Variants in MAF observed in about 807,000 individuals in gnomAD.
The protein encoded by MAF is transcription factor Maf.
In MAF, 10 loss-of-function variants were observed where a neutral mutation model predicts 22.0. The observed-to-expected ratio is 0.45, with a 90% CI of 0.28 to 0.77. The LOEUF is 0.77. MAF is among the 30% of genes least tolerant of loss of function. MAF has a pLI of 0.12. For missense variants in MAF, 544 were observed against 548.4 expected, an observed-to-expected ratio of 0.99 and a Z score of 0.08; for synonymous variants, 337 against 255.8, an observed-to-expected ratio of 1.32 and a Z score of -3.03.
the MAF span, among the ~76,000 whole-genome samples, chr16:79,491,884 C>T: frequency 6.6e-5 from 10 of 152,238 alleles, no homozygotes; most frequent in Non-Finnish European, 1.2e-4. Context: ...AGACCTACTC[C>T]GGCTGTGAGT....
At chr16:79,559,665 TG>T in the MAF span, among the ~76,000 whole-genome samples, 1 of 152,234 alleles carries the variant, frequency 6.6e-6, no homozygotes, top group Admixed American at 6.5e-5. Context: ...CATTACTATC[TG>T]TAATTAAGAT....
chr16:79,525,987 T>C, the MAF span, among the ~76,000 whole-genome samples: 1 of 152,178 alleles, frequency 6.6e-6, no homozygotes, highest in African/African-American at 2.4e-5. Flanking sequence ...CAGCCAACCT[T>C]CTGTATGACA....
At chr16:79,486,680 G>A in the MAF span, among the ~76,000 whole-genome samples, 16 of 152,194 alleles carry the variant, frequency 1.1e-4, no homozygotes, top group Admixed American at 9.8e-4. Context: ...TTGGCTTTAT[G>A]AGTCTCCGAG....
the MAF span, among the ~76,000 whole-genome samples, chr16:79,532,667 A>G: frequency 4.6e-5 from 7 of 152,380 alleles, no homozygotes; most frequent in South Asian, 1.2e-3. Flanking sequence ...GCATGAAGAT[A>G]TGAAATATGC....
the MAF span, among the ~76,000 whole-genome samples, chr16:79,339,941 A>G: frequency 2.6e-5 from 4 of 152,166 alleles, no homozygotes; most frequent in Non-Finnish European, 5.9e-5. Context: ...AAGTTCTTCA[A>G]TTTAAAAAGT....
the MAF span, among the ~76,000 whole-genome samples, chr16:79,437,895 G>A: frequency 6.6e-6 from 1 of 152,058 alleles, no homozygotes; most frequent in Non-Finnish European, 1.5e-5. Flanking sequence ...CCTAGAGTGG[G>A]ACACAGGCCA....
the MAF span, among the ~76,000 whole-genome samples, chr16:79,316,072 C>T: frequency 6.6e-6 from 1 of 152,236 alleles, no homozygotes; most frequent in African/African-American, 2.4e-5. Context: ...CACCAACATG[C>T]ATAACCTTAT....
Position 79,599,372 on chromosome 16 carries a change from C to G in MAF, c.531G>C (p.Ala177=), listed in dbSNP as rs1913841410. The G allele has an allele frequency of 1.0e-6, 1 of 1,000,666 alleles. No homozygotes were observed. The highest frequency in any genetic ancestry group is 1.2e-6 in the Non-Finnish European group (1 of 841,990). 62.0% of individuals were successfully genotyped at this position (1,000,666 alleles called of 1,614,324 possible). The part of the protein sequence containing the change: ...VIAAAAAQSG[A]GPHYHHHHHH... ...GGTGGTGGTGGTGGTAGTGCGGGCC[C>G]GCGCCGCTCTGCGCGGCGGCCGCGG... The change falls in exon 1 of 2, where the codon GCG becomes GCC. Residue 177 remains alanine, a synonymous_variant. Transcript: ENST00000326043.
chr16:79,431,906 TGC>T, the MAF span, among the ~76,000 whole-genome samples: 1 of 152,158 alleles, frequency 6.6e-6, no homozygotes, highest in African/African-American at 2.4e-5. Context: ...TTCCCTCATA[TGC>T]CTATGCTGAA....
At chr16:79,428,647 C>G in the MAF span, among the ~76,000 whole-genome samples, 1 of 152,140 alleles carries the variant, frequency 6.6e-6, no homozygotes, top group East Asian at 1.9e-4. Flanking sequence ...TGAGACCAGC[C>G]TGAGCAACTT....
At chr16:79,513,669 A>G in the MAF span, among the ~76,000 whole-genome samples, 1 of 152,214 alleles carries the variant, frequency 6.6e-6, no homozygotes, top group Non-Finnish European at 1.5e-5. Context: ...CCTAATCCAT[A>G]AAATGGAAAC....
the MAF span, among the ~76,000 whole-genome samples, chr16:79,287,759 A>C: frequency 2.1e-4 from 32 of 152,248 alleles, no homozygotes; most frequent in East Asian, 6.2e-3. Context: ...TCATTCACTC[A>C]TTCATTTATT....
chr16:79,359,043 T>C, the MAF span, among the ~76,000 whole-genome samples: 2 of 152,174 alleles, frequency 1.3e-5, no homozygotes, highest in Non-Finnish European at 2.9e-5. Context: ...TAAGGCAGAA[T>C]CTAGACAACA....
the MAF span, among the ~76,000 whole-genome samples, chr16:79,229,995 C>T: frequency 1.3e-5 from 2 of 148,184 alleles, no homozygotes; most frequent in Admixed American, 1.3e-4. Flanking sequence ...AGGATAGTTG[C>T]TTACAGAAAA....
the MAF span, among the ~76,000 whole-genome samples, chr16:79,280,776 C>T: frequency 6.6e-6 from 1 of 152,208 alleles, no homozygotes; most frequent in Non-Finnish European, 1.5e-5. Flanking sequence ...CCTGTCACTA[C>T]ACTGCTCACC....
At chr16:79,287,144 C>A in the MAF span, among the ~76,000 whole-genome samples, 2 of 142,682 alleles carry the variant, frequency 1.4e-5, no homozygotes, top group South Asian at 4.4e-4. Flanking sequence ...TTTCCTTCAG[C>A]AACAACAGAA....
chr16:79,417,551 A>T, the MAF span, among the ~76,000 whole-genome samples: 1 of 152,038 alleles, frequency 6.6e-6, no homozygotes, highest in Non-Finnish European at 1.5e-5. Flanking sequence ...CCTGCACAGG[A>T]TCATGGGAAA....
chr16:79,472,541 C>T, the MAF span, among the ~76,000 whole-genome samples: 1 of 151,994 alleles, frequency 6.6e-6, no homozygotes, highest in Non-Finnish European at 1.5e-5. Context: ...TGTATGATTC[C>T]ATCTCTTTAA....
At chr16:79,521,838 A>G in the MAF span, among the ~76,000 whole-genome samples, 1 of 152,224 alleles carries the variant, frequency 6.6e-6, no homozygotes, top group African/African-American at 2.4e-5. Flanking sequence ...CACTCTAATA[A>G]ATATATTTCT....
Sources: allele counts gnomAD v4.1 joint callset (sites outside exome capture counted in the v4.1 genomes callset), GRCh38; gene constraint gnomAD v4.1.1; transcripts MANE v1.5; gene names NCBI Gene and HGNC (gene_info 2026-07-23, HGNC 2026-07-21).